Variants in LRRC7 observed in about 807,000 individuals in gnomAD.
LRRC7 encodes leucine rich repeat containing 7, also known as leucine-rich repeat-containing protein 7.
Under a neutral mutation model 175.7 loss-of-function variants are expected in LRRC7, and 23 were observed. The observed-to-expected ratio is 0.13, with a 90% CI of 0.09 to 0.19. The LOEUF is 0.19. Ranked by LOEUF, LRRC7 falls within the 10% of genes least tolerant of loss-of-function variation. The probability of loss-of-function intolerance (pLI) is 1.00; values close to 1 mark genes in which losing one functional copy is unlikely to be tolerated. For missense variants in LRRC7, 1,354 were observed against 1,904.7 expected, an observed-to-expected ratio of 0.71 and a Z score of 5.38; for synonymous variants, 685 against 680.9, an observed-to-expected ratio of 1.01 and a Z score of -0.09.
At chr1:69,927,904 T>G (rs1432729454) in intron 7 of LRRC7, among the ~76,000 whole-genome samples, 2 of 152,104 alleles carry the variant, frequency 1.3e-5, no homozygotes, top group Non-Finnish European at 2.9e-5. Flanking sequence ...GAGGTTCCAG[T>G]TTTTCTGCTC....
Position 69,937,768 on chromosome 1 carries a change from C to A in LRRC7, c.711+6198C>A, listed in dbSNP as rs920293810. 1.7e-4 allele frequency among the ~76,000 whole-genome samples: 26 copies of A among 151,932 alleles called. 1 individual carries two copies. Among genetic ancestry groups the A allele is most frequent in the African/African-American group, 6.3e-4 (26 of 41,526 alleles). ...ATCATAAGTGCTTAGGAATCACTAG[C>A]TAATTTTATTAATTATTTTATATTT... On this transcript the variant is annotated intron_variant, in intron 8 of 26. Coordinates refer to ENST00000651989, the MANE Select transcript of LRRC7 (RefSeq NM_001370785.2).
At chr1:70,098,052 G>T (rs1664539331) in intron 25 of LRRC7, among the ~76,000 whole-genome samples, 1 of 151,624 alleles carries the variant, frequency 6.6e-6, no homozygotes, top group African/African-American at 2.4e-5. Flanking sequence ...CCTCCACAAT[G>T]GTTGAACTAG....
At chr1:69,810,490 C>G (rs1479721219) in intron 4 of LRRC7, among the ~76,000 whole-genome samples, 5 of 151,766 alleles carry the variant, frequency 3.3e-5, no homozygotes, top group Admixed American at 6.6e-5. Context: ...AAAGAACAAA[C>G]CTGGAGGCAT....
intron 7 of LRRC7, among the ~76,000 whole-genome samples, chr1:69,892,334 C>T (rs1371052892): frequency 2.0e-5 from 3 of 152,054 alleles, no homozygotes; most frequent in Non-Finnish European, 4.4e-5. Context: ...GAGTTTGGAC[C>T]TCACTAAGTG....
intron 7 of LRRC7, among the ~76,000 whole-genome samples, chr1:69,881,993 T>C (rs1686658281): frequency 6.9e-6 from 1 of 144,072 alleles, no homozygotes; most frequent in African/African-American, 2.6e-5. Context: ...ATTTTAAGAG[T>C]TCATACGACT....
At chr1:69,953,955 G>T (rs941622026) in intron 8 of LRRC7, among the ~76,000 whole-genome samples, 1 of 152,018 alleles carries the variant, frequency 6.6e-6, no homozygotes, top group Middle Eastern at 3.2e-3. Flanking sequence ...TATAGAATTT[G>T]TTGAATAAAT....
At chr1:69,743,128 C>A (rs979247654) in intron 2 of LRRC7, among the ~76,000 whole-genome samples, 1 of 151,950 alleles carries the variant, frequency 6.6e-6, no homozygotes, top group African/African-American at 2.4e-5. Flanking sequence ...ATTTGAATTA[C>A]CAGCTGGCTA....
At chr1:69,705,159 AC>A (rs1441268790) in intron 2 of LRRC7, among the ~76,000 whole-genome samples, 2 of 152,126 alleles carry the variant, frequency 1.3e-5, no homozygotes, top group Non-Finnish European at 2.9e-5. Flanking sequence ...ATAATAAGTA[AC>A]CCCCAAAACT....
intron 3 of LRRC7, among the ~76,000 whole-genome samples, chr1:69,773,927 G>A (rs540753886): frequency 2.6e-5 from 4 of 152,290 alleles, no homozygotes. Context: ...GCTGAGGCAG[G>A]AGGATTGCTT....
intron 2 of LRRC7, among the ~76,000 whole-genome samples, chr1:69,711,067 C>CT (rs1664696428): frequency 6.6e-6 from 1 of 152,178 alleles, no homozygotes; most frequent in Non-Finnish European, 1.5e-5. Context: ...CCCTCCAACT[C>CT]TGATTCTTAC....
intron 2 of LRRC7, among the ~76,000 whole-genome samples, chr1:69,733,151 A>G (rs1174624104): frequency 6.6e-6 from 1 of 152,102 alleles, no homozygotes; most frequent in Non-Finnish European, 1.5e-5. Flanking sequence ...TGTGAAAAAA[A>G]GATGCTTTGA....
At chr1:69,762,740 T>G (rs561859934) in intron 3 of LRRC7, among the ~76,000 whole-genome samples, 1 of 152,146 alleles carries the variant, frequency 6.6e-6, no homozygotes, top group East Asian at 1.9e-4. Context: ...GGAAGAGAAA[T>G]TTTAAGATAT....
chr1:69,911,525 G>T (rs1009974893), intron 7 of LRRC7, among the ~76,000 whole-genome samples: 1 of 152,226 alleles, frequency 6.6e-6, no homozygotes, highest in South Asian at 2.1e-4. Context: ...TTATCTGACT[G>T]GTTGTTTTGA....
At chr1:69,598,382 TATATC>T (rs1247472009) in intron 1 of LRRC7, among the ~76,000 whole-genome samples, 1 of 152,278 alleles carries the variant, frequency 6.6e-6, no homozygotes, top group East Asian at 1.9e-4. Flanking sequence ...TATATTTAGA[TATATC>T]TATCTATCTA....
chr1:69,903,509 A>T (rs925563234), intron 7 of LRRC7, among the ~76,000 whole-genome samples: 1 of 152,122 alleles, frequency 6.6e-6, no homozygotes, highest in African/African-American at 2.4e-5. Context: ...TCAGGTGCCT[A>T]TACCACATGG....
intron 8 of LRRC7, among the ~76,000 whole-genome samples, chr1:69,932,464 C>G (rs1253149035): frequency 6.6e-6 from 1 of 152,044 alleles, no homozygotes; most frequent in Non-Finnish European, 1.5e-5. Flanking sequence ...TGTACAGGAC[C>G]TAGCAAAATT....
intron 2 of LRRC7, among the ~76,000 whole-genome samples, chr1:69,712,407 C>A (rs1256596848): frequency 6.6e-6 from 1 of 152,158 alleles, no homozygotes; most frequent in African/African-American, 2.4e-5. Context: ...AGTTTGAGAC[C>A]AGCCTGGCCA....
chr1:69,906,230 G>C (rs1646305371), intron 7 of LRRC7, among the ~76,000 whole-genome samples: 1 of 152,128 alleles, frequency 6.6e-6, no homozygotes, highest in Non-Finnish European at 1.5e-5. Context: ...TCTGATGGTA[G>C]TTTCTTTTGC....
At chr1:69,831,051 A>C (rs1481146343) in intron 5 of LRRC7, among the ~76,000 whole-genome samples, 1 of 151,954 alleles carries the variant, frequency 6.6e-6, no homozygotes, top group East Asian at 1.9e-4. Flanking sequence ...GAAGTAGTAC[A>C]ATATCATTTA....
Sources: allele counts gnomAD v4.1 joint callset (sites outside exome capture counted in the v4.1 genomes callset), GRCh38; gene constraint gnomAD v4.1.1; transcripts MANE v1.5; gene names NCBI Gene and HGNC (gene_info 2026-07-23, HGNC 2026-07-21).